The following RAD54B variants were observed in gnomAD, a reference collection of about 807,000 sequenced individuals.
The protein encoded by RAD54B is RAD54 homolog B, also known as DNA repair and recombination protein RAD54B.
A neutral mutation model predicts 95.8 loss-of-function variants in RAD54B; 78 were observed. The observed-to-expected ratio is 0.81, with a 90% CI of 0.68 to 0.98. The LOEUF (loss-of-function observed/expected upper bound fraction) is 0.98, where lower values mean the gene tolerates loss of function less well. Ranked by LOEUF, RAD54B falls within the 50% of genes least tolerant of loss-of-function variation. The probability of loss-of-function intolerance (pLI) is 0.00; values close to 1 mark genes in which losing one functional copy is unlikely to be tolerated. For synonymous variants in RAD54B, 328 were observed against 354.9 expected (o/e 0.92, Z 0.85); for missense variants, 957 against 1,056.6 (o/e 0.91, Z 1.31).
intron 4 of RAD54B, 43 bp from the exon 5 acceptor site, chr8:94,407,763 A>AC (rs762851179): frequency 6.6e-7 from 1 of 1,525,232 alleles, no homozygotes; most frequent in Non-Finnish European, 8.9e-7. Flanking sequence ...ACTCTATGAT[A>AC]CCACGGTCAC....
chr8:94,394,477 AATGGAT>A (rs1281799160), intron 8 of RAD54B, among the ~76,000 whole-genome samples: 1 of 152,174 alleles, frequency 6.6e-6, no homozygotes, highest in African/African-American at 2.4e-5. Flanking sequence ...AAGTAGAGAC[AATGGAT>A]ATGAAGTACC....
At chr8:94,391,022 T>A (rs1469942595) in intron 10 of RAD54B, among the ~76,000 whole-genome samples, 1 of 152,130 alleles carries the variant, frequency 6.6e-6, no homozygotes, top group Non-Finnish European at 1.5e-5. Context: ...TCAAAAAGTT[T>A]TGAATTTTGG....
Position 94,387,248 on chromosome 8 carries a change from G to A in RAD54B, c.1810-89C>T, listed in dbSNP as rs368236306. ...GCTAAAATTATGGAAGGAAAAAGGTGAAGATTAACGGCTATCTGAAAAGTC... is the reference window on the plus strand; with the variant it reads ...GCTAAAATTATGGAAGGAAAAAGGTAAAGATTAACGGCTATCTGAAAAGTC... On this transcript the variant is annotated intron_variant, in intron 10 of 14. Coordinates refer to ENST00000336148, the MANE Select transcript of RAD54B (RefSeq NM_012415.3). 75 of 1,055,750 alleles carry A rather than the reference G, an allele frequency of 7.1e-5. No homozygotes were observed. In the African/African-American group the frequency reaches 8.9e-4, roughly 13 times the overall value. The allele number at this position is 1,055,750 out of a possible 1,614,324, so 65.4% of individuals were successfully genotyped here. A position where few individuals can be genotyped will look rare whatever the true frequency, so the allele number is the denominator to read the frequency against.
intron 14 of RAD54B, among the ~76,000 whole-genome samples, chr8:94,375,509 C>T (rs1304661277): frequency 6.6e-6 from 1 of 152,202 alleles, no homozygotes; most frequent in Non-Finnish European, 1.5e-5. Flanking sequence ...TTGCCTTCTG[C>T]CATTAATGTG....
intron 4 of RAD54B, among the ~76,000 whole-genome samples, 196 bp downstream of exon 4, chr8:94,410,925 T>C (rs758617123): frequency 2.6e-5 from 4 of 152,136 alleles, no homozygotes; most frequent in Non-Finnish European, 4.4e-5. Context: ...TTCACTGAGC[T>C]AGCATAAACC....
At chr8:94,380,433 A>G (rs1400953778) in intron 11 of RAD54B, 27 bp from the exon 12 acceptor site, 1 of 1,561,340 alleles carries the variant, frequency 6.4e-7, no homozygotes, top group Admixed American at 2.0e-5. Context: ...AAGATTCTTT[A>G]GATAAATTTA....
chr8:94,411,283 T>C lies in RAD54B; in HGVS notation c.337A>G (p.Lys113Glu). 1.3e-6 allele frequency: 2 copies of C among 1,594,236 alleles called. No homozygotes were observed. The highest frequency in any genetic ancestry group is 1.7e-6 in the Non-Finnish European group (2 of 1,175,306). The change falls in exon 4 of 15, where the codon AAG becomes GAG. Residue 113 changes from lysine to glutamate, a missense_variant. Coordinates refer to ENST00000336148, the MANE Select transcript of RAD54B (RefSeq NM_012415.3). The stretch of plus-strand genomic sequence containing the variant: ...CTATCAGATTTCTCTTCTTGTTCCT[T>C]GGACACTGCTACTTCTTTAGGAGCC... ...HSAPKEVAVS[K>E]EQEEKSDSLV...
intron 10 of RAD54B, 66 bp downstream of exon 10, chr8:94,391,543 C>A: frequency 6.8e-7 from 1 of 1,470,276 alleles, no homozygotes; most frequent in Admixed American, 2.2e-5. Flanking sequence ...CCCTGTCTGC[C>A]CTCTTAGATT....
intron 3 of RAD54B, chr8:94,429,824 T>C (rs1427020650): frequency 1.0e-6 from 1 of 985,270 alleles, no homozygotes; most frequent in African/African-American, 1.7e-5. Flanking sequence ...AATTAAGTAG[T>C]CAACATGCTA....
intron 3 of RAD54B, chr8:94,430,989 G>A: frequency 6.1e-6 from 6 of 985,118 alleles, no homozygotes; most frequent in Non-Finnish European, 6.0e-6. Context: ...TCTCACTCTT[G>A]ACTTCAAACA....
Position 94,387,289 on chromosome 8 carries a change from T to C in RAD54B, c.1810-130A>G, listed in dbSNP as rs1234083644. Reference sequence around the variant, plus strand: ...CTGAAAAGTCCAAGAAACTGTTAGGTAAATCTTTATAGGTCATGATTTGAT... The same window carrying C: ...CTGAAAAGTCCAAGAAACTGTTAGGCAAATCTTTATAGGTCATGATTTGAT... On this transcript the variant is annotated intron_variant, in intron 10 of 14. Transcript: ENST00000336148. 1.3e-5 allele frequency: 9 copies of C among 703,166 alleles called. No individual in the cohort carries two copies. In the East Asian group the frequency reaches 2.5e-4, roughly 20 times the overall value. The allele number at this position is 703,166 out of a possible 1,614,324, so 43.6% of individuals were successfully genotyped here. A position where few individuals can be genotyped will look rare whatever the true frequency, so the allele number is the denominator to read the frequency against.
Position 94,372,004 on chromosome 8 carries a change from T to C in RAD54B, c.*166A>G. 4 of 1,178,684 alleles carry C rather than the reference T, an allele frequency of 3.4e-6. No homozygotes were observed. Among genetic ancestry groups the C allele is most frequent in the Non-Finnish European group, 4.5e-6 (4 of 894,842 alleles). The allele number at this position is 1,178,684 out of a possible 1,614,324, so 73.0% of individuals were successfully genotyped here. On this transcript the variant is annotated 3_prime_UTR_variant, in exon 15 of 15. Coordinates refer to ENST00000336148, the MANE Select transcript of RAD54B (RefSeq NM_012415.3). ...CTTTATTTTTCATTTAAACACTTAA[T>C]ATTTACAAAACATTAAACCACTCAA...
chr8:94,426,876 G>C (rs1271301479), intron 3 of RAD54B, among the ~76,000 whole-genome samples: 1 of 152,126 alleles, frequency 6.6e-6, no homozygotes, highest in Non-Finnish European at 1.5e-5. Context: ...CAAATAAATA[G>C]TGAACTCTAG....
At chr8:94,438,862 G>T (rs1812332685) in intron 3 of RAD54B, among the ~76,000 whole-genome samples, 1 of 152,248 alleles carries the variant, frequency 6.6e-6, no homozygotes, top group Non-Finnish European at 1.5e-5. Context: ...GTTTTGAGAG[G>T]CCAAGGATTA....
In RAD54B at chr8:94,372,092, T is replaced by C; in HGVS notation, c.*78A>G. 1 of 1,493,844 alleles carries C rather than the reference T, an allele frequency of 6.7e-7. No individual in the cohort carries two copies. The highest frequency in any genetic ancestry group is 1.4e-5 in the South Asian group (1 of 73,368). 92.5% of individuals were successfully genotyped at this position (1,493,844 alleles called of 1,614,324 possible). On this transcript the variant is annotated 3_prime_UTR_variant, in exon 15 of 15. Coordinates refer to ENST00000336148, the MANE Select transcript of RAD54B (RefSeq NM_012415.3). ...ATATACTGTAATTTAAATAATTCTA[T>C]TAATTTTCAAAAAGTACATTTAATT...
At chr8:94,372,606 G>T (rs1810468174) in intron 14 of RAD54B, among the ~76,000 whole-genome samples, 1 of 152,264 alleles carries the variant, frequency 6.6e-6, no homozygotes, top group South Asian at 2.1e-4. Context: ...CACAGGCATG[G>T]TCTCTGACTT....
intron 3 of RAD54B, among the ~76,000 whole-genome samples, chr8:94,425,229 C>CT (rs34018801): frequency 0.12 from 13,556 of 114,880 alleles, 1,405 homozygotes; most frequent in East Asian, 0.32. Context: ...CTTTAATATT[C>CT]TTTTTTTTTT....
chr8:94,420,319 G>A (rs2930971), intron 3 of RAD54B, among the ~76,000 whole-genome samples: 52,023 of 143,526 alleles, frequency 0.36, 9,466 homozygotes, highest in East Asian at 0.49. Flanking sequence ...GCAGTGGTGT[G>A]ATCTTGGTTC....
rs1175819565 is a variant in RAD54B, at chr8:94,378,228, T to C, written c.2467A>G (p.Thr823Ala). Residue 823 changes from threonine (T) to alanine (A), a missense_variant, in exon 14 of 15, where the codon ACT (threonine) becomes GCT (alanine). Thr to Ala is a moderately conservative substitution (Grantham distance 58). Coordinates refer to ENST00000336148, the MANE Select transcript of RAD54B (RefSeq NM_012415.3). The stretch of plus-strand genomic sequence containing the variant: ...CACTCACAGTCAAGCAGATCATGAG[T>C]AACACAATCTGAACTTTCATGTAAT... ...FTLHESSDCV[T>A]HDLLDCECTG... The C allele has an allele frequency of 6.2e-7, 1 of 1,613,024 alleles. No individual in the cohort carries two copies. The highest frequency in any genetic ancestry group is 1.7e-4 in the Middle Eastern group (1 of 5,722).
Sources: allele counts gnomAD v4.1 joint callset (sites outside exome capture counted in the v4.1 genomes callset), GRCh38; gene constraint gnomAD v4.1.1; transcripts MANE v1.5; gene names NCBI Gene and HGNC (gene_info 2026-07-23, HGNC 2026-07-21).